Variants in EPHB1 observed in about 807,000 individuals in gnomAD.
EPHB1 encodes the protein ephrin type-B receptor 1.
Under a neutral mutation model 94.4 loss-of-function variants are expected in EPHB1, and 30 were observed. The ratio of observed to expected loss-of-function variants is 0.32; its 90% confidence interval spans 0.24 to 0.43. The LOEUF (loss-of-function observed/expected upper bound fraction) is 0.43, where lower values mean the gene tolerates loss of function less well. EPHB1 is among the 20% of genes least tolerant of loss of function. The pLI is 1.00. For missense variants in EPHB1, 1,055 were observed against 1,308.3 expected, an observed-to-expected ratio of 0.81 and a Z score of 2.99; for synonymous variants, 522 against 489.1, an observed-to-expected ratio of 1.07 and a Z score of -0.89.
chr3:135,106,385 G>A, intron 3 of EPHB1, 63 bp from the exon 4 acceptor site: 1 of 1,582,328 alleles, frequency 6.3e-7, no homozygotes, highest in Non-Finnish European at 8.7e-7. Flanking sequence ...TTTTCCGGTT[G>A]TAGGGAAGAG....
intron 9 of EPHB1, among the ~76,000 whole-genome samples, chr3:135,179,116 G>A (rs1026039486): frequency 5.3e-5 from 8 of 151,748 alleles, no homozygotes; most frequent in East Asian, 1.9e-4. Flanking sequence ...TCTTGCCACC[G>A]TATATATCAG....
chr3:135,093,831 A>G (rs957552005), intron 3 of EPHB1, among the ~76,000 whole-genome samples: 1 of 152,240 alleles, frequency 6.6e-6, no homozygotes, highest in African/African-American at 2.4e-5. Flanking sequence ...TCTCATCACT[A>G]TAAGAAAGTG....
In EPHB1 at chr3:135,132,891, T is replaced by A. The variant is rs1940469133; in HGVS notation, c.1139T>A (p.Val380Glu). The change falls in exon 5 of 16, where the codon GTG becomes GAG. Residue 380 changes from valine to glutamate, a missense_variant. Coordinates refer to ENST00000398015, the MANE Select transcript of EPHB1 (RefSeq NM_004441.5). The stretch of plus-strand genomic sequence containing the variant: ...CGCTGTGACGACAATGTGGAGTTTG[T>A]GCCCAGGCAGCTGGGCCTGACGGAG... ...CSRCDDNVEFVPRQLGLTECR... is the reference protein window; with the variant it reads ...CSRCDDNVEFEPRQLGLTECR... The A allele has an allele frequency of 6.2e-7, 1 of 1,613,934 alleles. No individual in the cohort carries two copies. The highest frequency in any genetic ancestry group is 1.7e-5 in the Admixed American group (1 of 60,014).
At chr3:135,239,927 T>C (rs1170809142) in intron 12 of EPHB1, among the ~76,000 whole-genome samples, 1 of 152,176 alleles carries the variant, frequency 6.6e-6, no homozygotes, top group Non-Finnish European at 1.5e-5. Context: ...GTGTAGGTGC[T>C]GATGAGAAAC....
intron 1 of EPHB1, among the ~76,000 whole-genome samples, chr3:134,870,243 G>A (rs1295467893): frequency 6.6e-6 from 1 of 152,152 alleles, no homozygotes; most frequent in African/African-American, 2.4e-5. Context: ...ATCTAGACCT[G>A]ATGACCAGGG....
intron 3 of EPHB1, among the ~76,000 whole-genome samples, chr3:134,981,683 C>A (rs1435067377): frequency 6.6e-6 from 1 of 152,148 alleles, no homozygotes; most frequent in East Asian, 1.9e-4. Context: ...GTGCACCCAC[C>A]CACCCACTTA....
chr3:134,847,322 C>T (rs2036894999), intron 1 of EPHB1, among the ~76,000 whole-genome samples: 1 of 152,212 alleles, frequency 6.6e-6, no homozygotes, highest in Non-Finnish European at 1.5e-5. Flanking sequence ...CCCAGGAAGA[C>T]AGCTGGGACT....
intron 4 of EPHB1, among the ~76,000 whole-genome samples, chr3:135,115,880 T>G (rs1026886751): frequency 3.3e-5 from 5 of 152,144 alleles, no homozygotes; most frequent in Non-Finnish European, 7.4e-5. Flanking sequence ...ATGAATCATG[T>G]TTAAGAAGTG....
chr3:134,916,346 T>C (rs2038567568), intron 1 of EPHB1, among the ~76,000 whole-genome samples: 1 of 152,202 alleles, frequency 6.6e-6, no homozygotes, highest in African/African-American at 2.4e-5. Flanking sequence ...AGTCCCGCGC[T>C]GTGTGCCTGC....
chr3:135,113,853 C>T (rs1166497456), intron 4 of EPHB1, among the ~76,000 whole-genome samples: 1 of 152,184 alleles, frequency 6.6e-6, no homozygotes, highest in Non-Finnish European at 1.5e-5. Context: ...TGTCCAGGCT[C>T]CTGGCTGGCC....
In EPHB1 at chr3:134,951,107, G is replaced by A. The variant is rs1381413867; in HGVS notation, c.124-264G>A. On this transcript the variant is annotated intron_variant, in intron 2 of 15. Coordinates refer to ENST00000398015, the MANE Select transcript of EPHB1 (RefSeq NM_004441.5). The surrounding 1 kb of genome is among the most constrained non-coding windows in gnomAD (Gnocchi z 4.5). ...ATGTAATAAGCTAGTCACAGAATGA[G>A]CATTATGGGTTAGGCGAGGGACAGC... Among the ~76,000 whole-genome samples the A allele has an allele frequency of 6.6e-6, 1 of 152,200 alleles. No homozygotes were observed. Among genetic ancestry groups the A allele is most frequent in the East Asian group, 1.9e-4 (1 of 5,194 alleles).
intron 5 of EPHB1, among the ~76,000 whole-genome samples, chr3:135,150,187 A>G (rs539598315): frequency 3.9e-5 from 6 of 152,372 alleles, no homozygotes; most frequent in South Asian, 2.1e-4. Flanking sequence ...TTTTAAATAC[A>G]TGATGTTTCA....
At chr3:135,040,986 A>G (rs1936816121) in intron 3 of EPHB1, among the ~76,000 whole-genome samples, 1 of 152,162 alleles carries the variant, frequency 6.6e-6, no homozygotes, top group African/African-American at 2.4e-5. Context: ...GGAGCCCCTT[A>G]GGATAAGGCT....
At chr3:135,111,804 C>T (rs1194065500) in intron 4 of EPHB1, among the ~76,000 whole-genome samples, 1 of 152,142 alleles carries the variant, frequency 6.6e-6, no homozygotes, top group Non-Finnish European at 1.5e-5. Flanking sequence ...CTCAGCCTCC[C>T]GAGTAGCTGG....
chr3:135,178,987 A>G (rs187326303), intron 9 of EPHB1, among the ~76,000 whole-genome samples: 39 of 152,254 alleles, frequency 2.6e-4, no homozygotes, highest in Non-Finnish European at 4.7e-4. Context: ...TACATTGTGA[A>G]TGAATGCATT....
intron 1 of EPHB1, among the ~76,000 whole-genome samples, chr3:134,882,928 T>C (rs1409206058): frequency 6.6e-6 from 1 of 151,952 alleles, no homozygotes; most frequent in Non-Finnish European, 1.5e-5. Context: ...GTTCAAGCGA[T>C]TCTCCTGCCT....
intron 2 of EPHB1, among the ~76,000 whole-genome samples, chr3:134,932,029 T>TTG (rs56801637): frequency 0.046 from 6,858 of 148,904 alleles, 184 homozygotes; most frequent in African/African-American, 0.085. Flanking sequence ...GTGTGTGTGT[T>TTG]TGTGTGTGTG....
At chr3:135,258,025 G>A (rs1933486316) in intron 15 of EPHB1, among the ~76,000 whole-genome samples, 1 of 152,142 alleles carries the variant, frequency 6.6e-6, no homozygotes, top group African/African-American at 2.4e-5. Flanking sequence ...GGAACTCCCT[G>A]ACCCCTTGCG....
chr3:134,833,277 C>A (rs1483571559), intron 1 of EPHB1, among the ~76,000 whole-genome samples: 3 of 152,192 alleles, frequency 2.0e-5, no homozygotes, highest in Non-Finnish European at 4.4e-5. Context: ...TGTGACCCTG[C>A]CCCCGTCCCC....
Sources: gnomAD v4.1 joint callset for allele counts (sites outside exome capture counted in the v4.1 genomes callset) on GRCh38, gnomAD v4.1.1 for gene constraint, Gnocchi (gnomAD v3.1) non-coding constraint, MANE v1.5 for transcripts, NCBI Gene and HGNC (gene_info 2026-07-23, HGNC 2026-07-21) for gene names.